The following NRXN1 variants were observed in gnomAD, a reference collection of about 807,000 sequenced individuals.
The protein encoded by NRXN1 is neurexin 1.
A neutral mutation model predicts 150.9 loss-of-function variants in NRXN1; 39 were observed. The observed-to-expected ratio is 0.26, with a 90% CI of 0.20 to 0.34. NRXN1 has a LOEUF of 0.34. Among genes scored for constraint, NRXN1 ranks in the 10% least tolerant of loss-of-function variants. NRXN1 has a pLI of 1.00. For missense variants in NRXN1, 1,815 were observed against 1,949.9 expected, an observed-to-expected ratio of 0.93 and a Z score of 1.30; for synonymous variants, 924 against 757.0, an observed-to-expected ratio of 1.22 and a Z score of -3.62.
intron 5 of NRXN1, among the ~76,000 whole-genome samples, chr2:50,834,398 G>T (rs1340191631): frequency 6.6e-6 from 1 of 152,138 alleles, no homozygotes; most frequent in East Asian, 1.9e-4. Context: ...GAAGGATGTG[G>T]TGCTCAGTTT....
At chr2:50,975,917 C>G (rs1217793280) in intron 2 of NRXN1, among the ~76,000 whole-genome samples, 1 of 152,036 alleles carries the variant, frequency 6.6e-6, no homozygotes, top group East Asian at 1.9e-4. Context: ...AGATTGCTCA[C>G]TGTTAGGAAG....
intron 21 of NRXN1, 77 bp downstream of exon 21, chr2:50,053,185 CAATTTAGAA>C: frequency 7.2e-7 from 1 of 1,391,270 alleles, no homozygotes; most frequent in Non-Finnish European, 1.0e-6. Flanking sequence ...AAAAATGTTC[CAATTTAGAA>C]AAGACGCATA....
rs560378299 is a variant in NRXN1 at position 49,973,803 on chromosome 2, T to C, written c.4129-30012A>G. On this transcript the variant is annotated intron_variant, in intron 21 of 22. Coordinates refer to ENST00000401669, the MANE Select transcript of NRXN1 (RefSeq NM_001330078.2). ...ACATACAGCGTGCATAAATTTGACA[T>C]GCAATCTTCAAGAAGAAATATTTTA... The C allele has an allele frequency of 5.2e-6, 3 of 579,210 alleles. No homozygotes were observed. In the East Asian group the frequency reaches 8.5e-5, roughly 16 times the overall value. 35.9% of individuals were successfully genotyped at this position (579,210 alleles called of 1,614,324 possible).
At chr2:50,202,195 T>C (rs1435443105) in intron 18 of NRXN1, among the ~76,000 whole-genome samples, 1 of 151,920 alleles carries the variant, frequency 6.6e-6, no homozygotes, top group Non-Finnish European at 1.5e-5. Flanking sequence ...ACAGGAGTGG[T>C]GTATAGGAAG....
chr2:50,872,436 G>A (rs984068900), intron 5 of NRXN1, among the ~76,000 whole-genome samples: 1 of 151,720 alleles, frequency 6.6e-6, no homozygotes, highest in East Asian at 2.0e-4. Context: ...GGAGCGAGTA[G>A]TGATATTGGG....
At chr2:50,326,359 T>C (rs2076382878) in intron 17 of NRXN1, among the ~76,000 whole-genome samples, 1 of 152,230 alleles carries the variant, frequency 6.6e-6, no homozygotes, top group African/African-American at 2.4e-5. Context: ...TTATTGAAAT[T>C]ATTATTTTGT....
chr2:50,931,391 C>A (rs1687725228), intron 2 of NRXN1, among the ~76,000 whole-genome samples: 1 of 151,792 alleles, frequency 6.6e-6, no homozygotes, highest in African/African-American at 2.4e-5. Flanking sequence ...ATGACTAAAC[C>A]ACATTGTAAA....
rs181833690 is a variant in NRXN1, at chr2:50,247,726, C to T, written c.3365-10756G>A. 2.0e-3 allele frequency among the ~76,000 whole-genome samples: 298 copies of T among 152,188 alleles called. 4 individuals are homozygous for T. Among genetic ancestry groups the T allele is most frequent in the Admixed American group, 0.017 (256 of 15,264 alleles). ...AGAGAAAACTAAGAAGATATGACAA[C>T]TTGATGAAATGCAAGATCCTGGCTT... On this transcript the variant is annotated intron_variant, in intron 17 of 22. Transcript: ENST00000401669.
At chr2:50,048,861 C>T (rs762037462) in intron 21 of NRXN1, among the ~76,000 whole-genome samples, 1 of 152,274 alleles carries the variant, frequency 6.6e-6, no homozygotes, top group Admixed American at 6.5e-5. Context: ...CTCATATTTA[C>T]TGATTCTGTC....
chr2:50,147,350 C>T (rs1271411751), intron 18 of NRXN1, among the ~76,000 whole-genome samples: 1 of 151,790 alleles, frequency 6.6e-6, no homozygotes, highest in East Asian at 1.9e-4. Context: ...CTACTAGTTA[C>T]AGAGTGGCAA....
Position 50,503,346 on chromosome 2 carries a change from G to A in NRXN1, c.2497+3149C>T, listed in dbSNP as rs143274385. Among the ~76,000 whole-genome samples the A allele has an allele frequency of 3.2e-4, 48 of 150,788 alleles. No homozygotes were observed. The East Asian group carries it at 8.6e-3, about 27-fold the overall frequency. Reference sequence around the variant, plus strand: ...AAAAAAGAAAGAAAGAAAAAAATAAGAAAGCGCTAAAAAAATAATTGGAAT... The same window carrying A: ...AAAAAAGAAAGAAAGAAAAAAATAAAAAAGCGCTAAAAAAATAATTGGAAT... On this transcript the variant is annotated intron_variant, in intron 13 of 22. Transcript: ENST00000401669.
chr2:50,756,454 T>G (rs561391384), intron 5 of NRXN1, among the ~76,000 whole-genome samples: 1 of 151,700 alleles, frequency 6.6e-6, no homozygotes. Context: ...GATAAGCAAA[T>G]ATAGCACTTT....
In NRXN1 at chr2:50,845,672, G is replaced by A. The variant is rs1365873390; in HGVS notation, c.832+76197C>T. Among the ~76,000 whole-genome samples, 8 of 152,090 alleles carry A rather than the reference G, an allele frequency of 5.3e-5. No individual in the cohort carries two copies. In the East Asian group the frequency reaches 1.4e-3, roughly 26 times the overall value. Reference sequence around the variant, plus strand: ...GGTACCTGGAATATGGTGGATGCTCGATCTATGTCAAGTGATACAGTAGCA... The same window carrying A: ...GGTACCTGGAATATGGTGGATGCTCAATCTATGTCAAGTGATACAGTAGCA... On this transcript the variant is annotated intron_variant, in intron 5 of 22. Transcript: ENST00000401669.
At chr2:50,420,898 A>G (rs1259814956) in intron 17 of NRXN1, among the ~76,000 whole-genome samples, 3 of 151,752 alleles carry the variant, frequency 2.0e-5, no homozygotes, top group Non-Finnish European at 2.9e-5. Flanking sequence ...TACAACAAGA[A>G]TACATTTGGA....
chr2:50,496,874 A>C (rs2091663573), intron 14 of NRXN1, among the ~76,000 whole-genome samples: 2 of 152,212 alleles, frequency 1.3e-5, no homozygotes, highest in African/African-American at 4.8e-5. Flanking sequence ...CGTTTACACA[A>C]ATCTTCCTTT....
intron 15 of NRXN1, among the ~76,000 whole-genome samples, chr2:50,483,531 C>T (rs2090636519): frequency 6.6e-6 from 1 of 152,178 alleles, no homozygotes; most frequent in African/African-American, 2.4e-5. Context: ...TCTCGTAACA[C>T]TTTCACATCT....
At chr2:50,875,818 C>T (rs149870943) in intron 5 of NRXN1, among the ~76,000 whole-genome samples, 1 of 151,892 alleles carries the variant, frequency 6.6e-6, no homozygotes, top group East Asian at 1.9e-4. Context: ...TTTTCTAGCT[C>T]AATCAATTCT....
chr2:50,681,955 T>A (rs1690473571), intron 5 of NRXN1, among the ~76,000 whole-genome samples: 1 of 152,158 alleles, frequency 6.6e-6, no homozygotes, highest in South Asian at 2.1e-4. Flanking sequence ...GTCTCATCTA[T>A]AAAACAGAAA....
chr2:50,760,054 T>C (rs1418657302), intron 5 of NRXN1, among the ~76,000 whole-genome samples: 2 of 151,836 alleles, frequency 1.3e-5, no homozygotes, highest in Non-Finnish European at 2.9e-5. Context: ...AGAAACTCTA[T>C]TTAGTGGTGA....
Sources: allele counts gnomAD v4.1 joint callset (sites outside exome capture counted in the v4.1 genomes callset), GRCh38; gene constraint gnomAD v4.1.1; transcripts MANE v1.5; gene names NCBI Gene and HGNC (gene_info 2026-07-23, HGNC 2026-07-21).